The following NT5C2 variants were observed in gnomAD, a reference collection of about 807,000 sequenced individuals.
NT5C2 encodes 5'-nucleotidase, cytosolic II, also known as cytosolic purine 5'-nucleotidase.
In NT5C2, 58 loss-of-function variants were observed where a neutral mutation model predicts 76.1. That is an observed-to-expected ratio of 0.76 (90% CI 0.62 to 0.95). The LOEUF is 0.95. Among genes scored for constraint, NT5C2 ranks in the 40% least tolerant of loss-of-function variants. NT5C2 has a pLI of 0.00. For synonymous variants in NT5C2, 229 were observed against 237.4 expected (o/e 0.96, Z 0.32); for missense variants, 478 against 690.3 (o/e 0.69, Z 3.45).
intron 3 of NT5C2, among the ~76,000 whole-genome samples, chr10:103,139,921 TTTTG>T (rs963293569): frequency 3.9e-5 from 6 of 152,076 alleles, no homozygotes; most frequent in African/African-American, 9.7e-5. Context: ...CCCAACACTG[TTTTG>T]TTTTTGTTTT....
At chr10:103,146,249 T>C in intron 3 of NT5C2, 2 of 985,416 alleles carry the variant, frequency 2.0e-6, no homozygotes, top group Non-Finnish European at 2.4e-6. Context: ...TCATTGGATA[T>C]CACTGTTGCT....
At chr10:103,134,277 C>CG (rs2078770754) in intron 4 of NT5C2, among the ~76,000 whole-genome samples, 1 of 152,070 alleles carries the variant, frequency 6.6e-6, no homozygotes. Context: ...CAGGAGGCCT[C>CG]AGAGGAAAAA....
intron 8 of NT5C2, chr10:103,100,581 C>G (rs759620001): frequency 6.9e-6 from 3 of 436,832 alleles, no homozygotes; most frequent in East Asian, 7.0e-5. Flanking sequence ...TTAAGACTTA[C>G]GCAAAATTTT....
intron 3 of NT5C2, among the ~76,000 whole-genome samples, chr10:103,170,027 C>T (rs2134500747): frequency 6.6e-6 from 1 of 152,246 alleles, no homozygotes; most frequent in Middle Eastern, 3.4e-3. Flanking sequence ...GAGGCTGAAG[C>T]AGGAGAGTTG....
At chr10:103,093,730 G>C in intron 14 of NT5C2, 1 of 483,756 alleles carries the variant, frequency 2.1e-6, no homozygotes, top group Non-Finnish European at 3.7e-6. Flanking sequence ...CTGAGAAAAA[G>C]CCTCCAATAG....
intron 3 of NT5C2, among the ~76,000 whole-genome samples, chr10:103,150,265 C>T (rs1035559322): frequency 6.6e-6 from 1 of 152,190 alleles, no homozygotes; most frequent in African/African-American, 2.4e-5. Context: ...CTTTCTGTCA[C>T]TGTAGTTTTC....
intron 6 of NT5C2, among the ~76,000 whole-genome samples, chr10:103,104,950 C>T (rs932157176): frequency 5.3e-5 from 8 of 152,022 alleles, no homozygotes; most frequent in African/African-American, 1.9e-4. Context: ...AATACAATGT[C>T]AATAGTAAAT....
chr10:103,186,360 T>C (rs1161309469), intron 1 of NT5C2, among the ~76,000 whole-genome samples: 3 of 152,252 alleles, frequency 2.0e-5, no homozygotes. Flanking sequence ...CTTAGCACAA[T>C]ACAGTACTTG....
intron 2 of NT5C2, among the ~76,000 whole-genome samples, chr10:103,178,954 CTTTTT>C (rs758982511): frequency 7.8e-6 from 1 of 128,482 alleles, no homozygotes; most frequent in Non-Finnish European, 1.6e-5. Context: ...TTCTTTTTTT[CTTTTT>C]TTTTTTTGAG....
intron 4 of NT5C2, among the ~76,000 whole-genome samples, chr10:103,129,741 C>A (rs1465406397): frequency 4.1e-5 from 4 of 98,350 alleles, no homozygotes; most frequent in African/African-American, 7.7e-5. Context: ...CCGCCCCGTC[C>A]GGGAGGGAGG....
chr10:103,112,092 C>T (rs552578943), intron 4 of NT5C2, among the ~76,000 whole-genome samples: 1 of 152,192 alleles, frequency 6.6e-6, no homozygotes, highest in South Asian at 2.1e-4. Context: ...AATGTTAAGT[C>T]GAAAGACAAA....
chr10:103,163,359 G>C (rs1394108565), intron 3 of NT5C2, among the ~76,000 whole-genome samples: 1 of 152,166 alleles, frequency 6.6e-6, no homozygotes, highest in Non-Finnish European at 1.5e-5. Flanking sequence ...CTGCCAAACT[G>C]TTTTTCCAGA....
chr10:103,096,358 G>A (rs2068174458), intron 11 of NT5C2, among the ~76,000 whole-genome samples: 1 of 152,086 alleles, frequency 6.6e-6, no homozygotes, highest in African/African-American at 2.4e-5. Context: ...ACAAACCAAC[G>A]GTTTATGTAA....
intron 3 of NT5C2, among the ~76,000 whole-genome samples, chr10:103,150,919 T>C (rs1041456432): frequency 2.6e-5 from 4 of 152,240 alleles, no homozygotes; most frequent in African/African-American, 9.6e-5. Flanking sequence ...TTAAATATTC[T>C]TCATGATGTC....
In NT5C2 at chr10:103,156,472, G is replaced by A. The variant is rs541630788; in HGVS notation, c.102-16993C>T. On this transcript the variant is annotated intron_variant, in intron 3 of 18. Coordinates refer to ENST00000404739, the MANE Select transcript of NT5C2 (RefSeq NM_001351169.2). ...AGTCCTCTTTTAAAAAGCTTTCAAG[G>A]GGCCACGTGCCGTGGCTCATGCCTG... Among the ~76,000 whole-genome samples the A allele has an allele frequency of 1.6e-4, 25 of 152,188 alleles. 2 individuals are homozygous for A. In the South Asian group the frequency reaches 4.4e-3, roughly 27 times the overall value.
At chr10:103,139,284 T>C in intron 4 of NT5C2, 122 bp downstream of exon 4, 1 of 539,710 alleles carries the variant, frequency 1.9e-6, no homozygotes, top group East Asian at 3.2e-5. Flanking sequence ...AACCTGATAA[T>C]AAAAGCTTCT....
At chr10:103,161,225 TGG>T (rs2084795315) in intron 3 of NT5C2, among the ~76,000 whole-genome samples, 1 of 152,196 alleles carries the variant, frequency 6.6e-6, no homozygotes, top group Admixed American at 6.6e-5. Context: ...TCATCCAGGC[TGG>T]AGTGCACTGG....
At chr10:103,128,107 G>T (rs535638321) in intron 4 of NT5C2, among the ~76,000 whole-genome samples, 1 of 141,096 alleles carries the variant, frequency 7.1e-6, no homozygotes, top group African/African-American at 2.6e-5. Flanking sequence ...CTCTCCCCAC[G>T]GTCTCCCTCT....
At chr10:103,164,715 T>C (rs1210881519) in intron 3 of NT5C2, among the ~76,000 whole-genome samples, 1 of 152,182 alleles carries the variant, frequency 6.6e-6, no homozygotes, top group Non-Finnish European at 1.5e-5. Flanking sequence ...TCTCAGACAT[T>C]ACAATTAATA....
Sources: gnomAD v4.1 joint callset for allele counts (sites outside exome capture counted in the v4.1 genomes callset) on GRCh38, gnomAD v4.1.1 for gene constraint, MANE v1.5 for transcripts, NCBI Gene and HGNC (gene_info 2026-07-23, HGNC 2026-07-21) for gene names.